Variants in UGT2A2 observed in about 807,000 individuals in gnomAD.
UGT2A2 encodes the protein UDP-glucuronosyltransferase 2A2.
A neutral mutation model predicts 50.7 loss-of-function variants in UGT2A2; 60 were observed. The observed-to-expected ratio is 1.18, with a 90% CI of 0.96 to 1.47. UGT2A2 has a LOEUF of 1.47. Ranked by LOEUF, UGT2A2 falls within the 40% of genes most tolerant of loss-of-function variation. The probability of loss-of-function intolerance (pLI) is 0.00; values close to 1 mark genes in which losing one functional copy is unlikely to be tolerated. For missense variants in UGT2A2, 762 were observed against 634.0 expected, an observed-to-expected ratio of 1.20 and a Z score of -2.17; for synonymous variants, 242 against 214.6, an observed-to-expected ratio of 1.13 and a Z score of -1.11.
At chr4:69,591,431 C>T (rs1180269926) in intron 5 of UGT2A2, among the ~76,000 whole-genome samples, 1 of 152,038 alleles carries the variant, frequency 6.6e-6, no homozygotes, top group Non-Finnish European at 1.5e-5. Flanking sequence ...GACCTGGGAT[C>T]AAAGGGAAGG....
rs923568531 is a variant in UGT2A2 at position 69,589,717 on chromosome 4, T to C, written c.1332-66A>G. The C allele has an allele frequency of 1.4e-5, 21 of 1,544,628 alleles. No homozygotes were observed. The African/African-American group carries it at 2.8e-4, about 20-fold the overall frequency. The stretch of plus-strand genomic sequence containing the variant: ...TTTTTATTTTCATTGAAGATAAATA[T>C]GTGATACACTTTTGCTCTACAAGTT... On this transcript the variant is annotated intron_variant, in intron 5 of 5. Coordinates refer to ENST00000604629, the MANE Select transcript of UGT2A2 (RefSeq NM_001105677.2).
chr4:69,600,537 T>C (rs558958016), intron 1 of UGT2A2, among the ~76,000 whole-genome samples: 89 of 152,292 alleles, frequency 5.8e-4, no homozygotes, highest in African/African-American at 2.0e-3. Flanking sequence ...TAGAGGAGCA[T>C]GGCCTGAAAG....
At chr4:69,593,191 A>G (rs188554830) in intron 5 of UGT2A2, among the ~76,000 whole-genome samples, 52 of 152,258 alleles carry the variant, frequency 3.4e-4, no homozygotes, top group African/African-American at 1.3e-3. Context: ...GTCTTTATTG[A>G]AAGAAAATTC....
At chr4:69,608,431 G>T (rs6831807) in intron 1 of UGT2A2, among the ~76,000 whole-genome samples, 6 of 129,116 alleles carry the variant, frequency 4.6e-5, no homozygotes, top group African/African-American at 5.6e-5. Context: ...GGGGTGGGGG[G>T]AGGGGGGAAG....
Position 69,639,354 on chromosome 4 carries a change from A to G in UGT2A2, c.287T>C (p.Ile96Thr), listed in dbSNP as rs151156143. 230 of 1,613,760 alleles carry G rather than the reference A, an allele frequency of 1.4e-4. No homozygotes were observed. The Middle Eastern group carries it at 2.5e-3, about 17-fold the overall frequency. The change falls in exon 1 of 6, where the codon ATT becomes ACT. Residue 96 changes from isoleucine (I) to threonine (T), a missense_variant. Physicochemically the swap from Ile to Thr is moderately conservative, Grantham distance 89. Coordinates refer to ENST00000604629, the MANE Select transcript of UGT2A2 (RefSeq NM_001105677.2). ...SYKKSNIDSL[I>T]EHMIMLWIDH... ...AATCCACAGCATTATCATATGCTCA[A>G]TTAAGGAATCTATATTGCTCTTCTT... is the stretch of plus-strand genomic sequence containing the variant.
chr4:69,616,862 TCTAAGTTTC>T (rs1720437829), intron 1 of UGT2A2, among the ~76,000 whole-genome samples: 1 of 134,512 alleles, frequency 7.4e-6, no homozygotes. Flanking sequence ...AATAGTGGTT[TCTAAGTTTC>T]ATTTTCCCAC....
At position 69,605,262 on chromosome 4, in the gene UGT2A2, G is replaced by C. The variant is rs1399828807; in HGVS notation, c.743-5868C>G. 8.0e-5 allele frequency among the ~76,000 whole-genome samples: 11 copies of C among 136,882 alleles called. 2 individuals carry two copies. Among genetic ancestry groups the C allele is most frequent in the African/African-American group, 3.0e-4 (10 of 33,790 alleles). The allele number at this position is 136,882 out of a possible 152,430, so 89.8% of individuals were successfully genotyped here. On this transcript the variant is annotated intron_variant, in intron 1 of 5. Transcript: ENST00000604629. ...CAATCAAATTAGAACTCAGGATTAA[G>C]AAATTCACTCAAAACCGCTCAACTA...
intron 1 of UGT2A2, among the ~76,000 whole-genome samples, chr4:69,623,753 TA>T (rs1720886943): frequency 6.6e-6 from 1 of 151,354 alleles, no homozygotes; most frequent in Non-Finnish European, 1.5e-5. Context: ...TAATACATTA[TA>T]AAAATAATTT....
chr4:69,629,899 T>C (rs946721341), intron 1 of UGT2A2, among the ~76,000 whole-genome samples: 2 of 152,080 alleles, frequency 1.3e-5, no homozygotes, highest in African/African-American at 4.8e-5. Flanking sequence ...CAGTAAGAAG[T>C]TATGAATATT....
At chr4:69,621,342 A>T (rs562688576) in intron 1 of UGT2A2, among the ~76,000 whole-genome samples, 69 of 152,224 alleles carry the variant, frequency 4.5e-4, no homozygotes, top group African/African-American at 1.6e-3. Flanking sequence ...AAGGACATTA[A>T]CAGACAGTTT....
Position 69,639,431 on chromosome 4 carries a change from G to C in UGT2A2, c.210C>G (p.Ile70Met), listed in dbSNP as rs775842029. The stretch of plus-strand genomic sequence containing the variant: ...TCACAGGAGAATCGGGATTGGAGTT[G>C]ATGAATAGAGTTGCTGATGAAGCCA... ...TVLASSATLF[I>M]NSNPDSPVNF... Residue 70 changes from isoleucine (I) to methionine (M), a missense_variant, in exon 1 of 6, where the codon ATC becomes ATG. Ile to Met is a conservative substitution (Grantham distance 10). Coordinates refer to ENST00000604629, the MANE Select transcript of UGT2A2 (RefSeq NM_001105677.2). 6.2e-7 allele frequency: 1 copy of C among 1,613,080 alleles called. No individual in the cohort carries two copies. The highest frequency in any genetic ancestry group is 1.3e-5 in the African/African-American group (1 of 74,864).
chr4:69,639,301 A>G lies in UGT2A2; in HGVS notation c.340T>C (p.Trp114Arg), dbSNP rs1721914243. The G allele has an allele frequency of 1.2e-6, 2 of 1,613,646 alleles. No individual in the cohort carries two copies. The highest frequency in any genetic ancestry group is 2.2e-5 in the South Asian group (2 of 91,050). Residue 114 changes from tryptophan (W) to arginine (R), a missense_variant, in exon 1 of 6, where the codon TGG (tryptophan) becomes CGG (arginine). Physicochemically the swap from Trp to Arg is moderately radical, Grantham distance 101. Coordinates refer to ENST00000604629, the MANE Select transcript of UGT2A2 (RefSeq NM_001105677.2). The stretch of plus-strand genomic sequence containing the variant: ...TTTCCTAGTTCTTTGTAGAAAGCCC[A>G]TATTGTGAGAGGAGTTGGTCTATGG... ...IDHRPTPLTI[W>R]AFYKELGKLL... is the part of the protein sequence containing the mutation.
intron 5 of UGT2A2, among the ~76,000 whole-genome samples, chr4:69,592,011 A>T (rs1279606481): frequency 6.6e-6 from 1 of 152,200 alleles, no homozygotes; most frequent in Non-Finnish European, 1.5e-5. Flanking sequence ...GTGGATGGGG[A>T]GCAAAAGTGG....
intron 1 of UGT2A2, among the ~76,000 whole-genome samples, chr4:69,601,204 G>C (rs1475883523): frequency 6.6e-6 from 1 of 152,054 alleles, no homozygotes; most frequent in East Asian, 1.9e-4. Context: ...CTTCTCCCTG[G>C]AACATTACCC....
chr4:69,611,066 A>G (rs1720006267), intron 1 of UGT2A2, among the ~76,000 whole-genome samples: 1 of 152,154 alleles, frequency 6.6e-6, no homozygotes, highest in African/African-American at 2.4e-5. Context: ...ATTTAGCAGA[A>G]TAGGCAAATA....
intron 1 of UGT2A2, among the ~76,000 whole-genome samples, chr4:69,636,972 T>C (rs1166354900): frequency 1.3e-5 from 2 of 152,152 alleles, no homozygotes; most frequent in Non-Finnish European, 2.9e-5. Context: ...ACTTTTTGTA[T>C]GTCTCTTATT....
intron 3 of UGT2A2, 141 bp from the exon 4 acceptor site, chr4:69,595,390 G>A (rs146849421): frequency 2.1e-5 from 18 of 874,746 alleles, no homozygotes; most frequent in African/African-American, 1.0e-4. Flanking sequence ...GTTGAGATAC[G>A]TAGTAGGACT....
intron 5 of UGT2A2, among the ~76,000 whole-genome samples, chr4:69,592,448 C>G (rs1232520235): frequency 6.6e-6 from 1 of 151,710 alleles, no homozygotes; most frequent in African/African-American, 2.4e-5. Context: ...AGAGGAGATT[C>G]AAAATACAAT....
chr4:69,639,592 G>A lies in UGT2A2; in HGVS notation c.49C>T (p.Leu17=), dbSNP rs1198389941. The change falls in exon 1 of 6, where the codon CTG becomes TTG. Residue 17 remains leucine, a synonymous_variant. Coordinates refer to ENST00000604629, the MANE Select transcript of UGT2A2 (RefSeq NM_001105677.2). ...FTMPKKFVQM[L]VFNLTLTEVV... ...TCAGTCAGAGTCAAATTAAAAACCA[G>A]CATCTGGACAAACTTCTTAGGCATG... 2.5e-6 allele frequency: 4 copies of A among 1,608,412 alleles called. No individual in the cohort carries two copies. Among genetic ancestry groups the A allele is most frequent in the Non-Finnish European group, 3.4e-6 (4 of 1,177,876 alleles).
Sources: gnomAD v4.1 joint callset for allele counts (sites outside exome capture counted in the v4.1 genomes callset) on GRCh38, gnomAD v4.1.1 for gene constraint, MANE v1.5 for transcripts, NCBI Gene and HGNC (gene_info 2026-07-23, HGNC 2026-07-21) for gene names.